The following CERS3 variants were observed in gnomAD, a reference collection of about 807,000 sequenced individuals.
CERS3 encodes the protein ceramide synthase 3, also known as LAG1 homolog, ceramide synthase 3.
In CERS3, 33 loss-of-function variants were observed where a neutral mutation model predicts 50.3. The ratio of observed to expected loss-of-function variants is 0.66; its 90% CI spans 0.50 to 0.88. The LOEUF (loss-of-function observed/expected upper bound fraction) is 0.88, where lower values mean the gene tolerates loss of function less well. Among genes scored for constraint, CERS3 ranks in the 40% least tolerant of loss-of-function variants. The pLI, the probability that CERS3 is intolerant of heterozygous loss-of-function variation, is 0.00. For synonymous variants in CERS3, 176 were observed against 155.2 expected, an observed-to-expected ratio of 1.13 and a Z score of -0.99; for missense variants, 470 against 460.3, an observed-to-expected ratio of 1.02 and a Z score of -0.19.
chr15:100,450,109 C>A (rs540241968), intron 11 of CERS3, among the ~76,000 whole-genome samples: 1 of 151,990 alleles, frequency 6.6e-6, no homozygotes, highest in African/African-American at 2.4e-5. Context: ...ATACAAAATA[C>A]TTTCAAATGC....
At chr15:100,448,545 G>A (rs1402941247) in intron 11 of CERS3, among the ~76,000 whole-genome samples, 1 of 152,184 alleles carries the variant, frequency 6.6e-6, no homozygotes, top group African/African-American at 2.4e-5. Flanking sequence ...TTGCTCCATA[G>A]AAGGAGCTCA....
At chr15:100,416,905 C>T (rs1046743515) in intron 11 of CERS3, among the ~76,000 whole-genome samples, 13 of 152,230 alleles carry the variant, frequency 8.5e-5, no homozygotes, top group East Asian at 1.9e-4. Flanking sequence ...CATTAAAAAA[C>T]GGGCAAAAGA....
chr15:100,409,977 G>C (rs949299050), intron 11 of CERS3, among the ~76,000 whole-genome samples: 1 of 152,178 alleles, frequency 6.6e-6, no homozygotes, highest in African/African-American at 2.4e-5. Flanking sequence ...TCATCTGCCA[G>C]AGTGACTCCC....
At position 100,501,687 on chromosome 15, in the gene CERS3, CA is replaced by C. The variant is rs2036003499; in HGVS notation, c.162del (p.Val55TyrfsTer10). 1 of 1,612,684 alleles carries C rather than the reference CA, an allele frequency of 6.2e-7. No individual in the cohort carries two copies. Among genetic ancestry groups the C allele is most frequent in the African/African-American group, 1.3e-5 (1 of 74,868 alleles). On this transcript the variant is annotated frameshift_variant, in exon 3 of 12. Coordinates refer to ENST00000679737, the MANE Select transcript of CERS3 (RefSeq NM_001378789.1). LOFTEE classifies it high-confidence loss of function. ...PYAFLLLIIR[R>X]VFEKFVASPL... ...ACAAGTACTACTTACTTTTCAAATA[CA>C]CGTCTGATAATCAGCAAGAGAAAAG... is the stretch of plus-strand genomic sequence containing the variant.
chr15:100,422,676 GAACCAACCCA>G (rs1312386551), intron 11 of CERS3, among the ~76,000 whole-genome samples: 1 of 78,230 alleles, frequency 1.3e-5, no homozygotes, highest in Non-Finnish European at 2.6e-5. Flanking sequence ...CAAAGACTTG[GAACCAACCCA>G]AATGTCCAAC....
chr15:100,498,456 G>C (rs893012051), intron 3 of CERS3, among the ~76,000 whole-genome samples: 1 of 152,090 alleles, frequency 6.6e-6, no homozygotes, highest in African/African-American at 2.4e-5. Flanking sequence ...TTGCCAGCTA[G>C]CTTGCCTAAA....
In CERS3 at chr15:100,472,200, A is replaced by C. The variant is rs367646358; in HGVS notation, c.738+724T>G. Among the ~76,000 whole-genome samples, 16 of 152,352 alleles carry C rather than the reference A, an allele frequency of 1.1e-4. No individual in the cohort carries two copies. The South Asian group carries it at 2.7e-3, about 26-fold the overall frequency. ...ATTCATTATAAATGAGTATATTTAAACAAATAACTCAGCAGTTCTGGGAAC... is the reference window on the plus strand; with the variant it reads ...ATTCATTATAAATGAGTATATTTAACCAAATAACTCAGCAGTTCTGGGAAC... On this transcript the variant is annotated intron_variant, in intron 9 of 11. Coordinates refer to ENST00000679737, the MANE Select transcript of CERS3 (RefSeq NM_001378789.1).
At chr15:100,494,457 C>T (rs1391259216) in intron 3 of CERS3, among the ~76,000 whole-genome samples, 1 of 151,600 alleles carries the variant, frequency 6.6e-6, no homozygotes, top group South Asian at 2.1e-4. Flanking sequence ...CCATGTTAGC[C>T]AGGATGGTCT....
chr15:100,414,138 G>C (rs961794545), intron 11 of CERS3, among the ~76,000 whole-genome samples: 8 of 152,074 alleles, frequency 5.3e-5, no homozygotes, highest in African/African-American at 1.4e-4. Flanking sequence ...AGAAACACCA[G>C]AGAATCAGAG....
chr15:100,503,031 G>T (rs908407494), intron 2 of CERS3, among the ~76,000 whole-genome samples: 3 of 152,212 alleles, frequency 2.0e-5, no homozygotes, highest in Non-Finnish European at 2.9e-5. Context: ...ATAGAATAAT[G>T]TAAATTAGAT....
chr15:100,418,404 A>G (rs1430058571), intron 11 of CERS3, among the ~76,000 whole-genome samples: 2 of 150,722 alleles, frequency 1.3e-5, no homozygotes, highest in African/African-American at 4.9e-5. Flanking sequence ...AGAAATGAGC[A>G]AAGCCTCCAA....
intron 11 of CERS3, among the ~76,000 whole-genome samples, chr15:100,433,888 T>G (rs1042944346): frequency 2.6e-5 from 4 of 152,240 alleles, no homozygotes; most frequent in South Asian, 4.1e-4. Flanking sequence ...GGACAGCCAA[T>G]ACCCTGGGGC....
At chr15:100,448,127 A>G (rs2034010203) in intron 11 of CERS3, among the ~76,000 whole-genome samples, 1 of 152,216 alleles carries the variant, frequency 6.6e-6, no homozygotes, top group Admixed American at 6.5e-5. Flanking sequence ...TTATTCAATT[A>G]TCATCATAAA....
At chr15:100,412,453 A>C (rs1002971826) in intron 11 of CERS3, among the ~76,000 whole-genome samples, 1 of 152,108 alleles carries the variant, frequency 6.6e-6, no homozygotes, top group African/African-American at 2.4e-5. Context: ...TTGATTACTG[A>C]AGATTTGTAG....
intron 2 of CERS3, among the ~76,000 whole-genome samples, chr15:100,513,013 G>A (rs1302898176): frequency 1.3e-5 from 2 of 152,122 alleles, no homozygotes; most frequent in Non-Finnish European, 2.9e-5. Context: ...ACATAATTGG[G>A]ATATTTTCCT....
At chr15:100,417,881 G>C (rs12904330) in intron 11 of CERS3, among the ~76,000 whole-genome samples, 3,673 of 152,050 alleles carry the variant, frequency 0.024, 53 homozygotes, top group Middle Eastern at 0.065. Context: ...CTCTCTGTTA[G>C]AAGGAAAACT....
chr15:100,450,530 A>G (rs2034124198), intron 11 of CERS3, among the ~76,000 whole-genome samples: 4 of 152,086 alleles, frequency 2.6e-5, no homozygotes, highest in Admixed American at 2.6e-4. Context: ...AAAAATGAAA[A>G]AAGAATGAAC....
chr15:100,533,528 C>T (rs552120901), upstream of CERS3, among the ~76,000 whole-genome samples: 10 of 148,308 alleles, frequency 6.7e-5, no homozygotes, highest in South Asian at 1.1e-3. Flanking sequence ...CTTTCTCTTT[C>T]GTTCCTTCTT....
intron 11 of CERS3, among the ~76,000 whole-genome samples, chr15:100,442,847 A>G (rs376969342): frequency 0.024 from 3,461 of 145,584 alleles, 18 homozygotes; most frequent in South Asian, 0.053. Flanking sequence ...AGGTAAGCCC[A>G]TCCCCTTCTT....
Sources: gnomAD v4.1 joint callset for allele counts (sites outside exome capture counted in the v4.1 genomes callset) on GRCh38, gnomAD v4.1.1 for gene constraint, MANE v1.5 for transcripts, NCBI Gene and HGNC (gene_info 2026-07-23, HGNC 2026-07-21) for gene names.